FAM169A: variants seen among roughly 807,000 people sequenced by gnomAD.
FAM169A encodes the protein soluble lamin-associated protein of 75 kDa.
Under a neutral mutation model 75.7 loss-of-function variants are expected in FAM169A, and 24 were observed. The ratio of observed to expected loss-of-function variants is 0.32; its 90% confidence interval spans 0.23 to 0.45. The LOEUF is 0.45. FAM169A is among the 20% of genes least tolerant of loss of function. The probability of loss-of-function intolerance (pLI) is 1.00; values close to 1 mark genes in which losing one functional copy is unlikely to be tolerated. For synonymous variants in FAM169A, 271 were observed against 271.0 expected (o/e 1.00, Z 0.00); for missense variants, 673 against 784.0 (o/e 0.86, Z 1.69).
rs1401431509 is a variant in FAM169A, at chr5:74,778,577, A to AG, written c.*2882_*2883insC. On this transcript the variant is annotated 3_prime_UTR_variant, in exon 13 of 13. Coordinates refer to ENST00000687041, the MANE Select transcript of FAM169A (RefSeq NM_001376049.1). ...TTTTAAGTAGAAGACTGACGTTCTA[A>AG]ATCATGCTGTTTGATTTTATAAAAA... is the stretch of plus-strand genomic sequence containing the variant. 2 of 141,160 alleles carry AG rather than the reference A, an allele frequency of 1.4e-5. No individual in the cohort carries two copies. Among genetic ancestry groups the AG allele is most frequent in the Non-Finnish European group, 3.0e-5 (2 of 66,832 alleles). The allele number at this position is 141,160 out of a possible 1,614,324, so 8.7% of individuals were successfully genotyped here. A position where few individuals can be genotyped will look rare whatever the true frequency, so the allele number is the denominator to read the frequency against.
At chr5:74,783,182 A>C in intron 11 of FAM169A, 48 bp from the exon 12 acceptor site, 1 of 1,401,134 alleles carries the variant, frequency 7.1e-7, no homozygotes, top group Non-Finnish European at 1.0e-6. Context: ...ATTACAAACT[A>C]ACTTATTTGT....
chr5:74,832,628 T>C (rs1472825135), intron 5 of FAM169A, among the ~76,000 whole-genome samples: 2 of 149,236 alleles, frequency 1.3e-5, no homozygotes, highest in African/African-American at 4.9e-5. Context: ...GTTGTATGTT[T>C]ATATACTTTA....
chr5:74,787,883 TAAAA>T (rs113652695), intron 11 of FAM169A, among the ~76,000 whole-genome samples: 1 of 151,480 alleles, frequency 6.6e-6, no homozygotes, highest in Non-Finnish European at 1.5e-5. Flanking sequence ...TCTGAATTAT[TAAAA>T]AAAAGAGAGA....
At chr5:74,782,124 AAAATC>A (rs1401187931) in intron 12 of FAM169A, 116 bp from the exon 13 acceptor site, 2 of 759,014 alleles carry the variant, frequency 2.6e-6, no homozygotes, top group African/African-American at 3.5e-5. Flanking sequence ...TTCATTACTC[AAAATC>A]GAGTATTTTT....
chr5:74,852,813 A>G (rs1259127693), intron 1 of FAM169A, among the ~76,000 whole-genome samples: 1 of 152,200 alleles, frequency 6.6e-6, no homozygotes, highest in Admixed American at 6.5e-5. Context: ...CAGGCCATTA[A>G]GGGACCTTGG....
chr5:74,858,222 C>T (rs1010223159), intron 1 of FAM169A, among the ~76,000 whole-genome samples: 3 of 151,940 alleles, frequency 2.0e-5, no homozygotes, highest in Admixed American at 2.0e-4. Flanking sequence ...TCCGTCTCTA[C>T]TAAAAATGCA....
chr5:74,796,228 G>A, intron 10 of FAM169A, 42 bp from the exon 11 acceptor site: 3 of 1,542,970 alleles, frequency 1.9e-6, no homozygotes, highest in Non-Finnish European at 2.6e-6. Flanking sequence ...TTTTATTAAG[G>A]ATAAATATAA....
At chr5:74,834,949 A>G (rs906046113) in intron 4 of FAM169A, among the ~76,000 whole-genome samples, 23 of 151,650 alleles carry the variant, frequency 1.5e-4, no homozygotes, top group African/African-American at 3.6e-4. Flanking sequence ...AACCCTAATC[A>G]CAGCCCTCAC....
At chr5:74,853,317 T>A (rs954957807) in intron 1 of FAM169A, among the ~76,000 whole-genome samples, 1 of 152,244 alleles carries the variant, frequency 6.6e-6, no homozygotes, top group East Asian at 1.9e-4. Context: ...ATTGCTTATC[T>A]TGCACCTCGC....
intron 6 of FAM169A, among the ~76,000 whole-genome samples, 170 bp from the exon 7 acceptor site, chr5:74,805,454 TCTAAATAAAAATC>T (rs757591591): frequency 7.9e-6 from 1 of 126,596 alleles, no homozygotes; most frequent in Non-Finnish European, 1.7e-5. Flanking sequence ...AAATAAAAAT[TCTAAATAAAAATC>T]CCAAATAAAA....
At chr5:74,798,206 T>C (rs1055035392) in intron 10 of FAM169A, among the ~76,000 whole-genome samples, 3 of 152,252 alleles carry the variant, frequency 2.0e-5, no homozygotes, top group African/African-American at 7.2e-5. Flanking sequence ...ACGGTGCTCT[T>C]AACTGTGTAC....
At chr5:74,866,659 A>G (rs1750366968), upstream of FAM169A, 3 of 838,946 alleles carry the variant, frequency 3.6e-6, no homozygotes, top group Non-Finnish European at 4.3e-6. Flanking sequence ...ATGGCCTGGT[A>G]TTAAAGAGTG....
Position 74,780,208 on chromosome 5 carries a change from A to T in FAM169A, c.*1252T>A, listed in dbSNP as rs1745342385. 6.6e-6 allele frequency: 1 copy of T among 152,234 alleles called. No homozygotes were observed. The highest frequency in any genetic ancestry group is 2.1e-4 in the South Asian group (1 of 4,832). 9.4% of individuals were successfully genotyped at this position (152,234 alleles called of 1,614,324 possible). ...CAGCTTGCAACCAGTACTCAGTACA[A>T]ATCAAAGGATGATTGAAGCCTCCAA... is the stretch of plus-strand genomic sequence containing the variant. On this transcript the variant is annotated 3_prime_UTR_variant, in exon 13 of 13. Transcript: ENST00000687041.
chr5:74,829,172 T>C (rs1414891232), intron 5 of FAM169A, among the ~76,000 whole-genome samples: 1 of 152,210 alleles, frequency 6.6e-6, no homozygotes, highest in East Asian at 1.9e-4. Flanking sequence ...AAAGGCTTTC[T>C]CTGCAGTTTT....
chr5:74,847,786 T>C (rs1749232905), intron 1 of FAM169A, among the ~76,000 whole-genome samples: 1 of 152,178 alleles, frequency 6.6e-6, no homozygotes, highest in Non-Finnish European at 1.5e-5. Flanking sequence ...ATTCTCTTTT[T>C]CAAGTAAGGT....
At chr5:74,790,597 G>A (rs181041210) in intron 11 of FAM169A, among the ~76,000 whole-genome samples, 3 of 152,252 alleles carry the variant, frequency 2.0e-5, no homozygotes, top group African/African-American at 4.8e-5. Flanking sequence ...TTTAATAATC[G>A]AGTGGATAGG....
At chr5:74,829,457 T>C (rs1748199242) in intron 5 of FAM169A, among the ~76,000 whole-genome samples, 1 of 152,206 alleles carries the variant, frequency 6.6e-6, no homozygotes, top group African/African-American at 2.4e-5. Context: ...TATTTGTTGC[T>C]AAGCCCGTGT....
intron 11 of FAM169A, among the ~76,000 whole-genome samples, chr5:74,794,606 G>A (rs777350806): frequency 4.0e-5 from 6 of 150,814 alleles, no homozygotes; most frequent in Non-Finnish European, 1.5e-5. Flanking sequence ...GTGAAACCCC[G>A]TCTCTACAAA....
chr5:74,804,238 T>C (rs1746736431), intron 8 of FAM169A, among the ~76,000 whole-genome samples: 1 of 152,152 alleles, frequency 6.6e-6, no homozygotes, highest in Non-Finnish European at 1.5e-5. Context: ...TTTTATTTTC[T>C]TCTATATTAT....
Sources: gnomAD v4.1 joint callset for allele counts (sites outside exome capture counted in the v4.1 genomes callset) on GRCh38, gnomAD v4.1.1 for gene constraint, MANE v1.5 for transcripts, NCBI Gene and HGNC (gene_info 2026-07-23, HGNC 2026-07-21) for gene names.